DSC2: variants seen among roughly 807,000 people sequenced by gnomAD.
DSC2 encodes desmocollin 2.
A neutral mutation model predicts 87.6 loss-of-function variants in DSC2; 51 were observed. The observed-to-expected ratio is 0.58, with a 90% CI of 0.46 to 0.74. The LOEUF is 0.74. DSC2 is among the 30% of genes least tolerant of loss of function. The probability of loss-of-function intolerance (pLI) is 0.00; values close to 1 mark genes in which losing one functional copy is unlikely to be tolerated. For synonymous variants in DSC2, 383 were observed against 393.2 expected (o/e 0.97, Z 0.31); for missense variants, 1,066 against 1,089.5 (o/e 0.98, Z 0.30).
chr18:31,068,951 G>C lies in DSC2; in HGVS notation c.2451C>G (p.Asp817Glu), dbSNP rs762214540. Reference protein sequence around the residue: ...DSCRGGHTEVDNCRYTYSEWH... With the variant: ...DSCRGGHTEVENCRYTYSEWH... The stretch of plus-strand genomic sequence containing the variant: ...ACTCCGAGTAAGTGTATCTGCAGTT[G>C]TCCACCTCCGTGTGTCCTCCCCTGC... Residue 817 changes from aspartate to glutamate, a missense_variant, in exon 15 of 16, where the codon GAC becomes GAG. Transcript: ENST00000280904. 6.2e-7 allele frequency: 1 copy of C among 1,614,068 alleles called. No homozygotes were observed. The highest frequency in any genetic ancestry group is 1.7e-5 in the Admixed American group (1 of 60,016).
chr18:31,083,434 A>G (rs962527922), intron 7 of DSC2, among the ~76,000 whole-genome samples: 2 of 152,302 alleles, frequency 1.3e-5, no homozygotes, highest in South Asian at 2.1e-4. Flanking sequence ...TATAGATTCA[A>G]TTGGTTTTGT....
chr18:31,087,599 A>G (rs1987442429), intron 6 of DSC2, 70 bp downstream of exon 6: 1 of 1,533,772 alleles, frequency 6.5e-7, no homozygotes, highest in East Asian at 2.3e-5. Context: ...TTCTCAACGG[A>G]CATAGTGAAA....
chr18:31,094,187 T>A (rs1033677845), intron 1 of DSC2, among the ~76,000 whole-genome samples: 9 of 152,100 alleles, frequency 5.9e-5, no homozygotes, highest in Admixed American at 3.3e-4. Context: ...AAAACCAAAT[T>A]TACTGAGGCA....
chr18:31,067,849 G>T lies in DSC2; in HGVS notation c.*166C>A. 1 of 656,924 alleles carries T rather than the reference G, an allele frequency of 1.5e-6. No homozygotes were observed. The highest frequency in any genetic ancestry group is 2.6e-6 in the Non-Finnish European group (1 of 386,600). 40.7% of individuals were successfully genotyped at this position (656,924 alleles called of 1,614,324 possible). On this transcript the variant is annotated 3_prime_UTR_variant, in exon 16 of 16. Transcript: ENST00000280904. ...TAAAAATTGAAAAATTTGTGTACTT[G>T]TTTATAGTGTCTCTCTGTAAATGTG... is the stretch of plus-strand genomic sequence containing the variant.
chr18:31,076,805 T>C (rs1400771593), intron 11 of DSC2, among the ~76,000 whole-genome samples: 2 of 152,182 alleles, frequency 1.3e-5, no homozygotes, highest in Non-Finnish European at 2.9e-5. Flanking sequence ...GTACTAACAC[T>C]GTAGAACTCA....
rs80119358 is a variant in DSC2, at chr18:31,088,575, G to C, written c.631-762C>G. 7.5e-3 allele frequency among the ~76,000 whole-genome samples: 1,146 copies of C among 152,146 alleles called. 8 individuals are homozygous for C. Among genetic ancestry groups the C allele is most frequent in the South Asian group, 0.015 (74 of 4,822 alleles). On this transcript the variant is annotated intron_variant, in intron 5 of 15. Transcript: ENST00000280904. ...ATGAATAATTAATTCATCCAAAATA[G>C]ACATAAAATAATTAAAACTGACTTA...
Position 31,086,462 on chromosome 18 carries a change from T to G in DSC2, c.942+114A>C, listed in dbSNP as rs558996427. On this transcript the variant is annotated intron_variant, in intron 7 of 15. Coordinates refer to ENST00000280904, the MANE Select transcript of DSC2 (RefSeq NM_024422.6). ...ATCTCTATTAACATACATAAAATAA[T>G]AATGTTTCTAAAATGAGATTCACAA... is the stretch of plus-strand genomic sequence containing the variant. 370 of 1,287,228 alleles carry G rather than the reference T, an allele frequency of 2.9e-4. No homozygotes were observed. The African/African-American group carries it at 4.8e-3, about 17-fold the overall frequency. 79.7% of individuals were successfully genotyped at this position (1,287,228 alleles called of 1,614,324 possible).
At chr18:31,100,301 C>G (rs1987896347) in intron 1 of DSC2, among the ~76,000 whole-genome samples, 1 of 152,196 alleles carries the variant, frequency 6.6e-6, no homozygotes, top group South Asian at 2.1e-4. Context: ...TAAACAGAAT[C>G]TGAGATAACA....
Position 31,066,622 on chromosome 18 carries a change from T to C in DSC2, c.*1393A>G, listed in dbSNP as rs997788301. The C allele has an allele frequency of 6.6e-6, 1 of 152,106 alleles. No individual in the cohort carries two copies. The highest frequency in any genetic ancestry group is 1.5e-5 in the Non-Finnish European group (1 of 67,972). 9.4% of individuals were successfully genotyped at this position (152,106 alleles called of 1,614,324 possible). A position where few individuals can be genotyped will look rare whatever the true frequency, so the allele number is the denominator to read the frequency against. On this transcript the variant is annotated 3_prime_UTR_variant, in exon 16 of 16. Transcript: ENST00000280904. ...ATTTAAAATGTCCATATGTTTAGTA[T>C]AAATAGAAAATTCATTGACTAAAAT...
At chr18:31,087,212 C>T (rs572596285) in intron 6 of DSC2, among the ~76,000 whole-genome samples, 1 of 152,256 alleles carries the variant, frequency 6.6e-6, no homozygotes, top group East Asian at 1.9e-4. Context: ...GTATTATTCT[C>T]AGTGACTTTC....
intron 12 of DSC2, among the ~76,000 whole-genome samples, chr18:31,073,680 A>G (rs1393659890): frequency 6.6e-6 from 1 of 152,216 alleles, no homozygotes; most frequent in African/African-American, 2.4e-5. Context: ...CTGGTAGACC[A>G]TGACATCATG....
Position 31,063,665 on chromosome 18 carries a change from T to C in DSC2, c.*4350A>G, listed in dbSNP as rs1037750611. 1 of 152,168 alleles carries C rather than the reference T, an allele frequency of 6.6e-6. No homozygotes were observed. Among genetic ancestry groups the C allele is most frequent in the African/African-American group, 2.4e-5 (1 of 41,446 alleles). 9.4% of individuals were successfully genotyped at this position (152,168 alleles called of 1,614,324 possible). A position where few individuals can be genotyped will look rare whatever the true frequency, so the allele number is the denominator to read the frequency against. On this transcript the variant is annotated 3_prime_UTR_variant, in exon 16 of 16. Transcript: ENST00000280904. The stretch of plus-strand genomic sequence containing the variant: ...AGGTCCTCAACTTAAGATGGCTCGA[T>C]CTGATATTTCAACTTTATGATGGTG...
chr18:31,092,372 C>G, intron 2 of DSC2, 72 bp from the exon 3 acceptor site: 1 of 1,388,946 alleles, frequency 7.2e-7, no homozygotes, highest in Non-Finnish European at 1.0e-6. Flanking sequence ...AATGTATGCA[C>G]GTGGGGAGAG....
chr18:31,089,649 A>T, intron 4 of DSC2, 55 bp from the exon 5 acceptor site: 2 of 1,537,696 alleles, frequency 1.3e-6, no homozygotes, highest in Admixed American at 1.8e-5. Context: ...CAGAGCTTTC[A>T]TCTATATATT....
At chr18:31,085,223 G>C (rs1987357240) in intron 7 of DSC2, among the ~76,000 whole-genome samples, 1 of 151,830 alleles carries the variant, frequency 6.6e-6, no homozygotes, top group African/African-American at 2.4e-5. Context: ...CTTTATATAT[G>C]CTTCAGCTAA....
chr18:31,073,939 G>A (rs1372238261), intron 12 of DSC2, among the ~76,000 whole-genome samples: 1 of 152,350 alleles, frequency 6.6e-6, no homozygotes, highest in East Asian at 1.9e-4. Flanking sequence ...ATAACGTGGT[G>A]GACACTGTGG....
At position 31,101,948 on chromosome 18, in the gene DSC2, G is replaced by C. The variant is rs1987977472; in HGVS notation, c.24C>G (p.Gly8=). The change falls in exon 1 of 16, where the codon GGC becomes GGG. Residue 8 remains glycine (G), a synonymous_variant. Transcript: ENST00000280904. ...GCCGGCAGAGGGCTCCGTTCCAGGA[G>C]CCGGAGGGGCGGGCTGCCTCCATGG... MEAARPS[G]SWNGALCRLL... The C allele has an allele frequency of 6.5e-7, 1 of 1,528,044 alleles. No homozygotes were observed. The highest frequency in any genetic ancestry group is 1.2e-5 in the South Asian group (1 of 82,854). 94.7% of individuals were successfully genotyped at this position (1,528,044 alleles called of 1,614,324 possible). A position where few individuals can be genotyped will look rare whatever the true frequency, so the allele number is the denominator to read the frequency against.
chr18:31,070,816 C>A lies in DSC2; in HGVS notation c.2160G>T (p.Gly720=). 2 of 1,613,810 alleles carry A rather than the reference C, an allele frequency of 1.2e-6. No individual in the cohort carries two copies. The highest frequency in any genetic ancestry group is 1.7e-6 in the Non-Finnish European group (2 of 1,179,862). Residue 720 remains glycine, a synonymous_variant, in exon 14 of 16, where the codon GGG becomes GGT. Coordinates refer to ENST00000280904, the MANE Select transcript of DSC2 (RefSeq NM_024422.6). ...ILFTLVCGAS[G]TSKQPKVIPD... ...GAATTACTTTTGGTTGTTTAGACGT[C>A]CCAGAAGCCCCACAGACCAGCGTAA... is the stretch of plus-strand genomic sequence containing the variant.
chr18:31,081,035 C>T (rs1201462300), intron 9 of DSC2, among the ~76,000 whole-genome samples: 1 of 151,928 alleles, frequency 6.6e-6, no homozygotes, highest in Non-Finnish European at 1.5e-5. Flanking sequence ...AATGAGGGTT[C>T]TTGGATATTA....
Sources: gnomAD v4.1 joint callset for allele counts (sites outside exome capture counted in the v4.1 genomes callset) on GRCh38, gnomAD v4.1.1 for gene constraint, MANE v1.5 for transcripts, NCBI Gene and HGNC (gene_info 2026-07-23, HGNC 2026-07-21) for gene names.